Variants in TMEM14A observed in about 807,000 individuals in gnomAD.
TMEM14A encodes transmembrane protein 14A.
In TMEM14A, 8 loss-of-function variants were observed where a neutral mutation model predicts 11.6. That is an observed-to-expected ratio of 0.69 (90% CI 0.40 to 1.24). TMEM14A has a LOEUF of 1.24. Ranked by LOEUF, TMEM14A falls within the 50% of genes most tolerant of loss-of-function variation. The pLI is 0.01. For synonymous variants in TMEM14A, 34 were observed against 45.5 expected (o/e 0.75, Z 1.02); for missense variants, 108 against 121.9 (o/e 0.89, Z 0.54).
In TMEM14A at chr6:52,677,085, A is replaced by G. The variant is rs760851248; in HGVS notation, c.-16-2A>G. 2.5e-6 allele frequency: 4 copies of G among 1,613,932 alleles called. No homozygotes were observed. The highest frequency in any genetic ancestry group is 1.7e-5 in the Admixed American group (1 of 59,986). ...TAATTTGTCCTTTCCCCCTTGCTTT[A>G]GAATTGCAACCTTGCCAATGGACCT... On this transcript the variant is annotated splice_acceptor_variant, in intron 1 of 4. Coordinates refer to ENST00000211314, the MANE Select transcript of TMEM14A (RefSeq NM_014051.4). LOFTEE classifies it low-confidence loss of function (5UTR_SPLICE).
chr6:52,681,887 G>T lies in TMEM14A; in HGVS notation c.145G>T (p.Asp49Tyr). Residue 49 changes from aspartate to tyrosine, a missense_variant, in exon 3 of 5, where the codon GAC becomes TAC. By Grantham distance (160) the Asp-to-Tyr change is radical. Transcript: ENST00000211314. ...CTATGGAGCTTACCGTGTCTCCAAT[G>T]ACAAACGAGATGTAAAAGTGTCACT... The part of the protein sequence containing the change: ...AGYGAYRVSN[D>Y]KRDVKVSLFT... The T allele has an allele frequency of 6.2e-7, 1 of 1,614,030 alleles. No individual in the cohort carries two copies. The highest frequency in any genetic ancestry group is 8.5e-7 in the Non-Finnish European group (1 of 1,179,980).
At position 52,682,852 on chromosome 6, in the gene TMEM14A, C is replaced by T. The variant is rs112822149; in HGVS notation, c.172+938C>T. On this transcript the variant is annotated intron_variant, in intron 3 of 4. Transcript: ENST00000211314. ...TACCTCTCCCTTCATAGATACAGCT[C>T]CAAAAAGGCTGACATGATGCTTCTG... 2.5e-3 allele frequency among the ~76,000 whole-genome samples: 373 copies of T among 152,142 alleles called. 1 individual carries two copies. The highest frequency in any genetic ancestry group is 8.6e-3 in the African/African-American group (359 of 41,516).
chr6:52,673,408 C>T (rs367856297), intron 1 of TMEM14A, among the ~76,000 whole-genome samples: 1 of 152,136 alleles, frequency 6.6e-6, no homozygotes, highest in African/African-American at 2.4e-5. Flanking sequence ...AGTGAAAATG[C>T]TGCATAAATT....
At chr6:52,676,204 C>T (rs1350265743) in intron 1 of TMEM14A, among the ~76,000 whole-genome samples, 3 of 152,130 alleles carry the variant, frequency 2.0e-5, no homozygotes, top group Non-Finnish European at 4.4e-5. Context: ...GTGTGCTTAA[C>T]AGTGATGAGG....
intron 1 of TMEM14A, among the ~76,000 whole-genome samples, chr6:52,674,666 T>G (rs1281455647): frequency 1.3e-5 from 2 of 152,106 alleles, no homozygotes; most frequent in East Asian, 1.9e-4. Context: ...CAGCAAATGG[T>G]TTTTGGACCC....
chr6:52,677,481 T>TG (rs1769280366), intron 2 of TMEM14A, among the ~76,000 whole-genome samples: 2 of 151,880 alleles, frequency 1.3e-5, no homozygotes, highest in South Asian at 4.2e-4. Flanking sequence ...TGAGGATTTT[T>TG]TTTTTTTGCT....
Position 52,681,860 on chromosome 6 carries a change from G to A in TMEM14A, c.118G>A (p.Gly40Ser), listed in dbSNP as rs145364903. The change falls in exon 3 of 5, where the codon GGC (glycine) becomes AGC (serine). Residue 40 changes from glycine (G) to serine (S), a missense_variant. Physicochemically the swap from Gly to Ser is moderately conservative, Grantham distance 56. Transcript: ENST00000211314. Reference sequence around the variant, plus strand: ...TGGTCTTTTTGTTGGATGTTTGGCCGGCTATGGAGCTTACCGTGTCTCCAA... The same window carrying A: ...TGGTCTTTTTGTTGGATGTTTGGCCAGCTATGGAGCTTACCGTGTCTCCAA... Reference protein sequence around the residue: ...IAGLFVGCLAGYGAYRVSNDK... With the variant: ...IAGLFVGCLASYGAYRVSNDK... 9.5e-5 allele frequency: 154 copies of A among 1,614,044 alleles called. No homozygotes were observed. In the East Asian group the frequency reaches 1.2e-3, roughly 13 times the overall value.
intron 3 of TMEM14A, among the ~76,000 whole-genome samples, chr6:52,683,843 A>T (rs966307600): frequency 6.6e-6 from 1 of 152,120 alleles, no homozygotes; most frequent in South Asian, 2.1e-4. Flanking sequence ...TCAAACTCCC[A>T]ACATCAGGTG....
rs569173135 is a variant in TMEM14A, at chr6:52,683,150, G to T, written c.173-928G>T. On this transcript the variant is annotated intron_variant, in intron 3 of 4. Coordinates refer to ENST00000211314, the MANE Select transcript of TMEM14A (RefSeq NM_014051.4). Reference sequence around the variant, plus strand: ...GCCTTCAAGGCGTGTTCTTTGAATAGAAATTTAGGTTAGAAAAAGACTTTC... The same window carrying T: ...GCCTTCAAGGCGTGTTCTTTGAATATAAATTTAGGTTAGAAAAAGACTTTC... 1.1e-4 allele frequency among the ~76,000 whole-genome samples: 16 copies of T among 152,284 alleles called. No individual in the cohort carries two copies. In the South Asian group the frequency reaches 3.1e-3, roughly 30 times the overall value.
intron 2 of TMEM14A, among the ~76,000 whole-genome samples, chr6:52,680,711 A>ATGTG (rs1561875195): frequency 6.9e-5 from 9 of 130,580 alleles, no homozygotes; most frequent in Admixed American, 1.6e-4. Context: ...ATATACACAT[A>ATGTG]TATATATGGC....
chr6:52,678,319 ATGTGTGTGTTTGTGTG>A (rs1422330848), intron 2 of TMEM14A, among the ~76,000 whole-genome samples: 20,693 of 133,498 alleles, frequency 0.16, 1,529 homozygotes, highest in Admixed American at 0.16. Flanking sequence ...GAGTGTGTGT[ATGTGTGTGTTTGTGTG>A]TGTGTGTGTG....
rs371102796 is a variant in TMEM14A at position 52,680,704 on chromosome 6, T to TATACACACATATATGTATATATATATAC, written c.71-1108_71-1107insTACACACATATATGTATATATATATACA. Among the ~76,000 whole-genome samples the TATACACACATATATGTATATATATATAC allele has an allele frequency of 9.8e-5, 5 of 51,108 alleles. 1 individual carries two copies. Among genetic ancestry groups the TATACACACATATATGTATATATATATAC allele is most frequent in the African/African-American group, 2.9e-4 (5 of 17,496 alleles). The allele number at this position is 51,108 out of a possible 152,430, so 33.5% of individuals were successfully genotyped here. A position where few individuals can be genotyped will look rare whatever the true frequency, so the allele number is the denominator to read the frequency against. ...ATATACATATATGTATATATATATA[T>TATACACACATATATGTATATATATATAC]ACACATATATATATGGCATGGATGA... is the stretch of plus-strand genomic sequence containing the variant. On this transcript the variant is annotated intron_variant, in intron 2 of 4. Transcript: ENST00000211314.
chr6:52,671,798 T>G (rs1769166712), intron 1 of TMEM14A, among the ~76,000 whole-genome samples: 1 of 152,170 alleles, frequency 6.6e-6, no homozygotes, highest in Non-Finnish European at 1.5e-5. Context: ...CCAAGATGCG[T>G]TTTAGTCCTT....
In TMEM14A at chr6:52,684,135, T is replaced by C; in HGVS notation, c.230T>C (p.Ile77Thr). ...MGVRFKRSKK[I>T]MPAGLVAGLS... The stretch of plus-strand genomic sequence containing the variant: ...GTGAGATTTAAGAGGTCCAAGAAAA[T>C]AATGCCTGCTGGTTTGGTTGCAGGT... Residue 77 changes from isoleucine to threonine, a missense_variant, in exon 4 of 5, where the codon ATA becomes ACA. Physicochemically the swap from Ile to Thr is moderately conservative, Grantham distance 89. Transcript: ENST00000211314. The C allele has an allele frequency of 6.2e-7, 1 of 1,613,852 alleles. No homozygotes were observed. Among genetic ancestry groups the C allele is most frequent in the East Asian group, 2.2e-5 (1 of 44,858 alleles).
At chr6:52,680,360 G>C (rs2127263973) in intron 2 of TMEM14A, among the ~76,000 whole-genome samples, 1 of 151,530 alleles carries the variant, frequency 6.6e-6, no homozygotes, top group Non-Finnish European at 1.5e-5. Flanking sequence ...ATAGAGTTTG[G>C]TATATTCAGA....
intron 2 of TMEM14A, among the ~76,000 whole-genome samples, chr6:52,678,599 A>C (rs555808383): frequency 1.3e-5 from 2 of 152,288 alleles, no homozygotes; most frequent in African/African-American, 4.8e-5. Flanking sequence ...GTGGGTTAAA[A>C]GCATGGGCCA....
At chr6:52,685,195 ATG>A (rs1435497435) in intron 4 of TMEM14A, among the ~76,000 whole-genome samples, 1 of 152,172 alleles carries the variant, frequency 6.6e-6, no homozygotes, top group African/African-American at 2.4e-5. Context: ...TAGTGTGACT[ATG>A]TATTATGTTT....
rs1769153901 is a variant in TMEM14A at position 52,671,184 on chromosome 6, C to T, written c.-78C>T. 6.6e-6 allele frequency: 1 copy of T among 152,362 alleles called. No individual in the cohort carries two copies. The highest frequency in any genetic ancestry group is 1.5e-5 in the Non-Finnish European group (1 of 68,116). 9.4% of individuals were successfully genotyped at this position (152,362 alleles called of 1,614,324 possible). ...CTGCTTCCGGACTCCAGGTACCGCG[C>T]TTGGCGGCAGCTGGCCCCAGACTTC... On this transcript the variant is annotated 5_prime_UTR_variant, in exon 1 of 5. Transcript: ENST00000211314.
At chr6:52,673,320 G>A (rs1769196289) in intron 1 of TMEM14A, among the ~76,000 whole-genome samples, 1 of 151,052 alleles carries the variant, frequency 6.6e-6, no homozygotes, top group South Asian at 2.1e-4. Flanking sequence ...ATAGAACAGG[G>A]GCCATACGGG....
Sources: gnomAD v4.1 joint callset for allele counts (sites outside exome capture counted in the v4.1 genomes callset) on GRCh38, gnomAD v4.1.1 for gene constraint, MANE v1.5 for transcripts, NCBI Gene and HGNC (gene_info 2026-07-23, HGNC 2026-07-21) for gene names.